Variants in TCF4 observed in about 807,000 individuals in gnomAD.
The protein encoded by TCF4 is SL3-3 enhancer factor 2.
A neutral mutation model predicts 82.1 loss-of-function variants in TCF4; 3 were observed. The ratio of observed to expected loss-of-function variants is 0.04; its 90% CI spans 0.02 to 0.09. The LOEUF (loss-of-function observed/expected upper bound fraction) is 0.09, where lower values mean the gene tolerates loss of function less well. Among genes scored for constraint, TCF4 ranks in the 10% least tolerant of loss-of-function variants. The pLI, the probability that TCF4 is intolerant of heterozygous loss-of-function variation, is 1.00. For missense variants in TCF4, 518 were observed against 852.7 expected (o/e 0.61, Z 4.89); for synonymous variants, 276 against 309.6 (o/e 0.89, Z 1.14).
At chr18:55,614,732 T>A (rs1036793644) in intron 2 of TCF4, among the ~76,000 whole-genome samples, 5 of 152,190 alleles carry the variant, frequency 3.3e-5, no homozygotes, top group Non-Finnish European at 5.9e-5. Flanking sequence ...CTTAACCATG[T>A]TCTTTGAACA....
intron 5 of TCF4, among the ~76,000 whole-genome samples, chr18:55,438,715 T>C (rs756134654): frequency 3.3e-5 from 5 of 152,194 alleles, no homozygotes; most frequent in Non-Finnish European, 5.9e-5. Context: ...CAAAACTGTG[T>C]ACTGGATGAA....
chr18:55,486,919 C>T (rs1430107644), intron 3 of TCF4, among the ~76,000 whole-genome samples: 4 of 152,122 alleles, frequency 2.6e-5, no homozygotes, highest in Admixed American at 6.5e-5. Context: ...TTAACTAGCA[C>T]GTCTCATAAT....
chr18:55,543,600 A>T (rs571049190), intron 3 of TCF4, among the ~76,000 whole-genome samples: 4 of 152,214 alleles, frequency 2.6e-5, no homozygotes, highest in African/African-American at 9.6e-5. Flanking sequence ...TTTTAACTAG[A>T]TGCAGTAATT....
At chr18:55,282,541 G>A (rs1183940329) in intron 8 of TCF4, among the ~76,000 whole-genome samples, 1 of 151,926 alleles carries the variant, frequency 6.6e-6, no homozygotes, top group Non-Finnish European at 1.5e-5. Context: ...ATTTAATACT[G>A]ACATTAAATT....
In TCF4 at chr18:55,454,829, C is replaced by A. The variant is rs183938662; in HGVS notation, c.304+6190G>T. Among the ~76,000 whole-genome samples the A allele has an allele frequency of 3.5e-3, 533 of 152,092 alleles. 4 individuals are homozygous for A. The highest frequency in any genetic ancestry group is 5.7e-3 in the Non-Finnish European group (389 of 67,968). ...ACCTAAAGAGCTGTTCCTCCCTCAA[C>A]CTAAAGATGTGAAAACGACCTGACC... On this transcript the variant is annotated intron_variant, in intron 5 of 19. Coordinates refer to ENST00000354452, the MANE Select transcript of TCF4 (RefSeq NM_001083962.2).
intron 3 of TCF4, among the ~76,000 whole-genome samples, chr18:55,548,831 GAT>G (rs976619343): frequency 2.6e-5 from 4 of 152,164 alleles, no homozygotes; most frequent in Non-Finnish European, 4.4e-5. Flanking sequence ...AAAGATAAAA[GAT>G]TGTACACCTA....
At chr18:55,576,053 T>A (rs536115588) in intron 3 of TCF4, among the ~76,000 whole-genome samples, 1 of 152,318 alleles carries the variant, frequency 6.6e-6, no homozygotes, top group Admixed American at 6.5e-5. Flanking sequence ...TAAAATGTTT[T>A]AAATACAGCA....
chr18:55,302,716 A>C, intron 8 of TCF4: 1 of 1,124,714 alleles, frequency 8.9e-7, no homozygotes, highest in Admixed American at 2.7e-5. Flanking sequence ...GAAGAAGGGG[A>C]GGTGGGACAA....
At chr18:55,381,801 C>A (rs1479608007) in intron 6 of TCF4, among the ~76,000 whole-genome samples, 1 of 152,120 alleles carries the variant, frequency 6.6e-6, no homozygotes, top group Non-Finnish European at 1.5e-5. Flanking sequence ...CAGGTTCTAT[C>A]TAGTTCCTAG....
intron 5 of TCF4, 187 bp from the exon 6 acceptor site, chr18:55,403,705 T>C: frequency 5.2e-6 from 8 of 1,542,872 alleles, no homozygotes; most frequent in South Asian, 1.2e-5. Context: ...TGGAAAAAAA[T>C]ATCCTTCATT....
intron 5 of TCF4, among the ~76,000 whole-genome samples, chr18:55,434,464 G>A (rs1333889792): frequency 1.4e-5 from 2 of 139,146 alleles, no homozygotes; most frequent in Non-Finnish European, 3.0e-5. Context: ...GTGTTGCCGA[G>A]GCTAGAGTGC....
Position 55,381,185 on chromosome 18 carries a change from C to G in TCF4, c.369+22269G>C, listed in dbSNP as rs2091846636. 2.6e-5 allele frequency among the ~76,000 whole-genome samples: 4 copies of G among 152,268 alleles called. No homozygotes were observed. In the South Asian group the frequency reaches 8.3e-4, roughly 32 times the overall value. On this transcript the variant is annotated intron_variant, in intron 6 of 19. Coordinates refer to ENST00000354452, the MANE Select transcript of TCF4 (RefSeq NM_001083962.2). Reference sequence around the variant, plus strand: ...TTAAATCTAAAAATGTTATTTACAACAGCATTTAATAATAAGTGAATATGT... The same window carrying G: ...TTAAATCTAAAAATGTTATTTACAAGAGCATTTAATAATAAGTGAATATGT...
chr18:55,424,694 T>A (rs2094910041), intron 5 of TCF4, among the ~76,000 whole-genome samples: 1 of 152,178 alleles, frequency 6.6e-6, no homozygotes, highest in South Asian at 2.1e-4. Context: ...AAAAGCAGAT[T>A]GGTTTTATTG....
intron 5 of TCF4, among the ~76,000 whole-genome samples, chr18:55,426,986 T>G: frequency 6.6e-6 from 1 of 152,192 alleles, no homozygotes; most frequent in East Asian, 1.9e-4. Flanking sequence ...TAAGGTTTCC[T>G]AGCTCCTGAA....
intron 6 of TCF4, among the ~76,000 whole-genome samples, chr18:55,358,517 C>T (rs1477441059): frequency 6.6e-6 from 1 of 152,170 alleles, no homozygotes; most frequent in Non-Finnish European, 1.5e-5. Flanking sequence ...TGCTACAAAC[C>T]CCAATGTACA....
chr18:55,304,852 T>G (rs1406492643), intron 8 of TCF4, among the ~76,000 whole-genome samples: 1 of 152,192 alleles, frequency 6.6e-6, no homozygotes, highest in Non-Finnish European at 1.5e-5. Flanking sequence ...TCTGAAAGCC[T>G]GAACCGCCTT....
intron 8 of TCF4, among the ~76,000 whole-genome samples, chr18:55,325,899 A>T (rs2076474201): frequency 6.6e-6 from 1 of 152,202 alleles, no homozygotes; most frequent in Non-Finnish European, 1.5e-5. Context: ...TCAGGTAAAC[A>T]TCTACCCATC....
chr18:55,452,370 A>C (rs8099298), intron 5 of TCF4, among the ~76,000 whole-genome samples: 3,100 of 152,328 alleles, frequency 0.02, 106 homozygotes, highest in African/African-American at 0.07. Context: ...GGCAGTAGGC[A>C]TTCTTGTCTG....
At chr18:55,400,836 A>G in intron 6 of TCF4, 1 of 593,044 alleles carries the variant, frequency 1.7e-6, no homozygotes, top group Non-Finnish European at 2.6e-6. Flanking sequence ...GCATGTTTCC[A>G]TATAGCACTG....
Sources: allele counts gnomAD v4.1 joint callset (sites outside exome capture counted in the v4.1 genomes callset), GRCh38; gene constraint gnomAD v4.1.1; transcripts MANE v1.5; gene names NCBI Gene and HGNC (gene_info 2026-07-23, HGNC 2026-07-21).